TNR: variants seen among roughly 807,000 people sequenced by gnomAD.
The protein encoded by TNR is tenascin-R.
In TNR, 45 loss-of-function variants were observed where a neutral mutation model predicts 150.4. The ratio of observed to expected loss-of-function variants is 0.30; its 90% CI spans 0.24 to 0.38. The LOEUF (loss-of-function observed/expected upper bound fraction) is 0.38, where lower values mean the gene tolerates loss of function less well. Among genes scored for constraint, TNR ranks in the 10% least tolerant of loss-of-function variants. TNR has a pLI of 1.00. For missense variants in TNR, 1,544 were observed against 1,759.1 expected (o/e 0.88, Z 2.19); for synonymous variants, 687 against 678.4 (o/e 1.01, Z -0.20).
At chr1:175,471,357 T>A (rs758597599) in intron 2 of TNR, among the ~76,000 whole-genome samples, 1 of 152,202 alleles carries the variant, frequency 6.6e-6, no homozygotes, top group Non-Finnish European at 1.5e-5. Flanking sequence ...CTAAGAAATG[T>A]GTCGTTAGTC....
intron 2 of TNR, among the ~76,000 whole-genome samples, chr1:175,442,139 G>A (rs79625703): frequency 0.018 from 2,776 of 152,280 alleles, 40 homozygotes; most frequent in Middle Eastern, 0.061. Flanking sequence ...CTGGTAGATA[G>A]TGCAGTCAAT....
chr1:175,583,630 C>G (rs762494343), intron 1 of TNR, among the ~76,000 whole-genome samples: 2 of 152,108 alleles, frequency 1.3e-5, no homozygotes, highest in Non-Finnish European at 2.9e-5. Context: ...GAGCAGTGGT[C>G]AACTAGTGGA....
chr1:175,521,420 C>G (rs903693989), intron 2 of TNR, among the ~76,000 whole-genome samples: 1 of 152,160 alleles, frequency 6.6e-6, no homozygotes, highest in Non-Finnish European at 1.5e-5. Flanking sequence ...GAAAAAGATG[C>G]CTCACTTTGT....
Position 175,365,745 on chromosome 1 carries a change from A to C in TNR, c.2317+130T>G, listed in dbSNP as rs952923535. ...TGATGCACTTATTAGTTTTTACTCT[A>C]TCCTTTTCTACCCACCTCTCTTTTC... On this transcript the variant is annotated intron_variant, in intron 11 of 22. Coordinates refer to ENST00000367674, the MANE Select transcript of TNR (RefSeq NM_003285.3). The C allele has an allele frequency of 2.9e-5, 40 of 1,366,834 alleles. No individual in the cohort carries two copies. The African/African-American group carries it at 4.8e-4, about 16-fold the overall frequency. The allele number at this position is 1,366,834 out of a possible 1,614,324, so 84.7% of individuals were successfully genotyped here.
At chr1:175,573,734 G>A (rs1661981772) in intron 1 of TNR, among the ~76,000 whole-genome samples, 1 of 152,204 alleles carries the variant, frequency 6.6e-6, no homozygotes, top group Admixed American at 6.5e-5. Flanking sequence ...TGGCAGGGTG[G>A]GCGTGGGAGT....
intron 2 of TNR, among the ~76,000 whole-genome samples, chr1:175,481,046 T>C (rs1230704054): frequency 6.6e-6 from 1 of 152,184 alleles, no homozygotes; most frequent in African/African-American, 2.4e-5. Context: ...GCGTTGTCAC[T>C]GTGGATTAGC....
chr1:175,638,266 C>T (rs1038578741), intron 1 of TNR, among the ~76,000 whole-genome samples: 1 of 152,148 alleles, frequency 6.6e-6, no homozygotes, highest in Admixed American at 6.5e-5. Flanking sequence ...GTCAAGAGAA[C>T]AAATTACAAA....
intron 1 of TNR, among the ~76,000 whole-genome samples, chr1:175,702,678 C>T (rs778665935): frequency 1.1e-4 from 16 of 152,276 alleles, no homozygotes; most frequent in East Asian, 3.9e-4. Flanking sequence ...CATTTCCATC[C>T]GAATGGCAGT....
intron 1 of TNR, among the ~76,000 whole-genome samples, chr1:175,731,748 C>A (rs79740468): frequency 0.05 from 7,598 of 152,174 alleles, 296 homozygotes; most frequent in East Asian, 0.22. Flanking sequence ...CATGGGTTCT[C>A]AGCTCTGAAT....
intron 1 of TNR, among the ~76,000 whole-genome samples, chr1:175,577,135 G>A (rs1276179819): frequency 6.6e-6 from 1 of 152,108 alleles, no homozygotes. Flanking sequence ...CATATATAGG[G>A]TACAAGATGT....
At chr1:175,659,246 T>C (rs1427498583) in intron 1 of TNR, among the ~76,000 whole-genome samples, 1 of 152,152 alleles carries the variant, frequency 6.6e-6, no homozygotes, top group Non-Finnish European at 1.5e-5. Flanking sequence ...CACACCTAGA[T>C]TATTGGAAGC....
intron 1 of TNR, among the ~76,000 whole-genome samples, chr1:175,696,712 T>C (rs1666537990): frequency 6.6e-6 from 1 of 152,040 alleles, no homozygotes; most frequent in Non-Finnish European, 1.5e-5. Flanking sequence ...AAAACCCATG[T>C]CTACTAAAAA....
At chr1:175,513,680 G>C (rs1390229772) in intron 2 of TNR, among the ~76,000 whole-genome samples, 1 of 152,116 alleles carries the variant, frequency 6.6e-6, no homozygotes, top group East Asian at 1.9e-4. Flanking sequence ...ATTTCTATTT[G>C]TTCAGAGCTC....
At chr1:175,708,806 G>A (rs1666912229) in intron 1 of TNR, among the ~76,000 whole-genome samples, 2 of 152,138 alleles carry the variant, frequency 1.3e-5, no homozygotes, top group South Asian at 4.2e-4. Flanking sequence ...CATTTTGGAA[G>A]AACTTTACAG....
intron 1 of TNR, among the ~76,000 whole-genome samples, chr1:175,649,750 C>T (rs558047186): frequency 2.7e-4 from 41 of 152,276 alleles, no homozygotes; most frequent in African/African-American, 9.4e-4. Context: ...TTATCTTCCT[C>T]TGAGTCTCCG....
chr1:175,736,562 G>T (rs192882414), intron 1 of TNR, among the ~76,000 whole-genome samples: 133 of 152,104 alleles, frequency 8.7e-4, no homozygotes, highest in African/African-American at 2.8e-3. Context: ...CTTTTCGGGG[G>T]TGAGGGAGGG....
chr1:175,619,502 C>T (rs1431976542), intron 1 of TNR, among the ~76,000 whole-genome samples: 2 of 152,160 alleles, frequency 1.3e-5, no homozygotes, highest in Non-Finnish European at 2.9e-5. Flanking sequence ...TAAGCAGGCT[C>T]ATTAGTCTAT....
At chr1:175,740,218 T>C (rs763774476) in intron 1 of TNR, among the ~76,000 whole-genome samples, 1 of 152,226 alleles carries the variant, frequency 6.6e-6, no homozygotes, top group Non-Finnish European at 1.5e-5. Context: ...AATACATTTC[T>C]GCTGCAAAAT....
At chr1:175,324,099 T>G (rs1368797282) in intron 22 of TNR, among the ~76,000 whole-genome samples, 2 of 152,208 alleles carry the variant, frequency 1.3e-5, no homozygotes, top group Admixed American at 1.3e-4. Context: ...CCAGGACTGA[T>G]AAGCTCTCTT....
Sources: gnomAD v4.1 joint callset for allele counts (sites outside exome capture counted in the v4.1 genomes callset) on GRCh38, gnomAD v4.1.1 for gene constraint, MANE v1.5 for transcripts, NCBI Gene and HGNC (gene_info 2026-07-23, HGNC 2026-07-21) for gene names.